PPP3CA: variants seen among roughly 807,000 people sequenced by gnomAD.
The protein encoded by PPP3CA is protein phosphatase 3 catalytic subunit alpha.
PPP3CA carries 14 observed loss-of-function variants against 66.5 expected under a neutral mutation model. The observed-to-expected ratio is 0.21, with a 90% CI of 0.14 to 0.33. The LOEUF (loss-of-function observed/expected upper bound fraction) is 0.33. Ranked by LOEUF, PPP3CA falls within the 10% of genes least tolerant of loss-of-function variation. The pLI is 1.00. For synonymous variants in PPP3CA, 232 were observed against 226.2 expected (o/e 1.03, Z -0.23); for missense variants, 317 against 639.5 (o/e 0.50, Z 5.44).
intron 8 of PPP3CA, among the ~76,000 whole-genome samples, chr4:101,073,408 T>G (rs764579929): frequency 1.3e-5 from 2 of 151,668 alleles, no homozygotes; most frequent in Non-Finnish European, 2.9e-5. Context: ...TCCCGAATAG[T>G]TGGGACTACA....
At chr4:101,306,501 A>T (rs1180209032) in intron 1 of PPP3CA, among the ~76,000 whole-genome samples, 1 of 152,150 alleles carries the variant, frequency 6.6e-6, no homozygotes, top group East Asian at 1.9e-4. Context: ...AATTTCCACT[A>T]AGAAACCACC....
At chr4:101,151,652 CTTTTTTTTTTT>C (rs369745312) in intron 2 of PPP3CA, among the ~76,000 whole-genome samples, 1 of 84,812 alleles carries the variant, frequency 1.2e-5, no homozygotes, top group Admixed American at 1.7e-4. Context: ...CCAAGGTTTC[CTTTTTTTTTTT>C]TTTTTTTTTT....
intron 6 of PPP3CA, among the ~76,000 whole-genome samples, chr4:101,088,709 A>T (rs567282836): frequency 6.6e-6 from 1 of 152,136 alleles, no homozygotes; most frequent in African/African-American, 2.4e-5. Flanking sequence ...ATACCCATGA[A>T]TGGAACAGTA....
At chr4:101,346,651 G>T in intron 1 of PPP3CA, 88 bp downstream of exon 1, 2 of 1,127,342 alleles carry the variant, frequency 1.8e-6, no homozygotes, top group African/African-American at 1.7e-5. Flanking sequence ...AACCTGGGGC[G>T]GGGGAGGGGA....
intron 8 of PPP3CA, among the ~76,000 whole-genome samples, chr4:101,072,997 A>G (rs942567931): frequency 6.6e-6 from 1 of 151,382 alleles, no homozygotes; most frequent in African/African-American, 2.4e-5. Flanking sequence ...TGACAATGAT[A>G]ATGACAATGG....
chr4:101,244,287 T>TTACCACACAAAAGTAACTTAGAGTCC (rs1726405588), intron 1 of PPP3CA, among the ~76,000 whole-genome samples: 2 of 152,156 alleles, frequency 1.3e-5, no homozygotes, highest in Non-Finnish European at 2.9e-5. Flanking sequence ...TGCCTACTCT[T>TTACCACACAAAAGTAACTTAGAGTCC]TACCACACAA....
intron 1 of PPP3CA, among the ~76,000 whole-genome samples, chr4:101,240,437 T>C (rs1726268747): frequency 1.3e-5 from 2 of 152,116 alleles, no homozygotes; most frequent in South Asian, 2.1e-4. Flanking sequence ...CATTCAGGTA[T>C]ATTAGAGAAA....
chr4:101,217,906 T>C (rs1205491592), intron 1 of PPP3CA, among the ~76,000 whole-genome samples: 1 of 152,088 alleles, frequency 6.6e-6, no homozygotes, highest in African/African-American at 2.4e-5. Flanking sequence ...GTGGACCTTT[T>C]CTACATTCCT....
chr4:101,144,126 T>C (rs1459873474), intron 2 of PPP3CA, among the ~76,000 whole-genome samples: 1 of 152,206 alleles, frequency 6.6e-6, no homozygotes, highest in Non-Finnish European at 1.5e-5. Flanking sequence ...TCAAGCGCTG[T>C]CTGGACCATT....
intron 8 of PPP3CA, among the ~76,000 whole-genome samples, chr4:101,076,979 A>G (rs115183001): frequency 7.5e-4 from 114 of 152,330 alleles, no homozygotes; most frequent in African/African-American, 2.6e-3. Context: ...CAGAGCTGAG[A>G]TTCAAACCTA....
At chr4:101,174,180 T>G (rs771986451) in intron 2 of PPP3CA, among the ~76,000 whole-genome samples, 13 of 152,102 alleles carry the variant, frequency 8.5e-5, no homozygotes, top group Non-Finnish European at 1.6e-4. Context: ...CAACTTTATA[T>G]TTTCAAAATC....
chr4:101,136,815 C>T (rs759682778), intron 2 of PPP3CA, among the ~76,000 whole-genome samples: 2 of 151,960 alleles, frequency 1.3e-5, no homozygotes, highest in African/African-American at 2.4e-5. Context: ...TACTAATGTG[C>T]ACCTCACTGC....
At chr4:101,158,082 C>A (rs911752622) in intron 2 of PPP3CA, 1 of 151,910 alleles carries the variant, frequency 6.6e-6, no homozygotes, top group African/African-American at 2.4e-5. Context: ...TTGTTTTGCA[C>A]GAGAAGCTTT....
chr4:101,233,151 G>T (rs1726018541), intron 1 of PPP3CA, among the ~76,000 whole-genome samples: 1 of 151,758 alleles, frequency 6.6e-6, no homozygotes, highest in South Asian at 2.1e-4. Flanking sequence ...ATATTAGAAA[G>T]AATTTGAAAA....
chr4:101,051,029 G>A (rs909468868), intron 10 of PPP3CA, among the ~76,000 whole-genome samples: 5 of 152,102 alleles, frequency 3.3e-5, no homozygotes, highest in Middle Eastern at 3.2e-3. Context: ...CACACTTGGA[G>A]ACAATGAGAG....
At chr4:101,278,659 T>C (rs1041233464) in intron 1 of PPP3CA, among the ~76,000 whole-genome samples, 11 of 152,216 alleles carry the variant, frequency 7.2e-5, no homozygotes, top group Non-Finnish European at 1.5e-4. Flanking sequence ...CAATGTTATA[T>C]ATAGGTAGGG....
At chr4:101,147,737 C>T (rs1348244483) in intron 2 of PPP3CA, among the ~76,000 whole-genome samples, 1 of 152,102 alleles carries the variant, frequency 6.6e-6, no homozygotes, top group African/African-American at 2.4e-5. Context: ...CATACCCACA[C>T]ACAGATTTGT....
chr4:101,176,411 G>A lies in PPP3CA; in HGVS notation c.259+19505C>T, dbSNP rs988088902. ...AGGAAATAGATGACAAACAAAGAAG[G>A]GTCGGGGGACCTGGTGCAGAGAATC... On this transcript the variant is annotated intron_variant, in intron 2 of 13. Coordinates refer to ENST00000394854, the MANE Select transcript of PPP3CA (RefSeq NM_000944.5). Among the ~76,000 whole-genome samples, 5 of 152,126 alleles carry A rather than the reference G, an allele frequency of 3.3e-5. No individual in the cohort carries two copies. In the East Asian group the frequency reaches 9.6e-4, roughly 29 times the overall value.
intron 2 of PPP3CA, among the ~76,000 whole-genome samples, chr4:101,152,916 G>A (rs1175480501): frequency 1.3e-5 from 2 of 152,206 alleles, no homozygotes; most frequent in Non-Finnish European, 2.9e-5. Context: ...GTATACTTCT[G>A]TCGATAAAGA....
Sources: gnomAD v4.1 joint callset for allele counts (sites outside exome capture counted in the v4.1 genomes callset) on GRCh38, gnomAD v4.1.1 for gene constraint, MANE v1.5 for transcripts, NCBI Gene and HGNC (gene_info 2026-07-23, HGNC 2026-07-21) for gene names.